The following SDK1 variants were observed in gnomAD, a reference collection of about 807,000 sequenced individuals.
The protein encoded by SDK1 is sidekick cell adhesion molecule 1, also known as protein sidekick-1.
A neutral mutation model predicts 245.5 loss-of-function variants in SDK1; 157 were observed. That is an observed-to-expected ratio of 0.64 (90% CI 0.56 to 0.73). The LOEUF (loss-of-function observed/expected upper bound fraction) is 0.73. Among genes scored for constraint, SDK1 ranks in the 30% least tolerant of loss-of-function variants. The probability of loss-of-function intolerance (pLI) is 0.00; values close to 1 mark genes in which losing one functional copy is unlikely to be tolerated. For missense variants in SDK1, 3,583 were observed against 3,002.3 expected (o/e 1.19, Z -4.52); for synonymous variants, 1,647 against 1,278.5 (o/e 1.29, Z -6.15).
chr7:3,405,179 A>AC lies in SDK1; in HGVS notation c.298+103295_298+103296insC, dbSNP rs536651081. The stretch of plus-strand genomic sequence containing the variant: ...AAAACCAAAAAAAAAAACAAAAACA[A>AC]AAACAAAAAACACTTTCCTTAATCT... On this transcript the variant is annotated intron_variant, in intron 1 of 44. Coordinates refer to ENST00000404826, the MANE Select transcript of SDK1 (RefSeq NM_152744.4). 4.2e-3 allele frequency among the ~76,000 whole-genome samples: 610 copies of AC among 145,458 alleles called. 8 individuals carry two copies. Among genetic ancestry groups the AC allele is most frequent in the South Asian group, 0.018 (81 of 4,558 alleles).
intron 5 of SDK1, among the ~76,000 whole-genome samples, chr7:3,893,716 A>G (rs1476441858): frequency 6.6e-6 from 1 of 151,062 alleles, no homozygotes; most frequent in East Asian, 1.9e-4. Context: ...AGATGTCTCC[A>G]CAGACATTCA....
At chr7:3,826,527 C>G (rs930924150) in intron 5 of SDK1, among the ~76,000 whole-genome samples, 8 of 152,172 alleles carry the variant, frequency 5.3e-5, no homozygotes, top group Admixed American at 5.2e-4. Context: ...GTGAGTGACT[C>G]AGATCTGTGC....
Position 3,725,360 on chromosome 7 carries a change from A to G in SDK1, c.713+83255A>G, listed in dbSNP as rs530086727. On this transcript the variant is annotated intron_variant, in intron 4 of 44. Coordinates refer to ENST00000404826, the MANE Select transcript of SDK1 (RefSeq NM_152744.4). ...AGCATTGCAGCCTGATAAGGGCTGA[A>G]AAGGAGGAGGGACTTGGCAGAGGAC... 8.5e-5 allele frequency among the ~76,000 whole-genome samples: 13 copies of G among 152,286 alleles called. 1 individual carries two copies. Among genetic ancestry groups the G allele is most frequent in the Non-Finnish European group, 1.8e-4 (12 of 68,016 alleles).
chr7:4,100,237 A>C (rs1265254273), intron 22 of SDK1, among the ~76,000 whole-genome samples: 1 of 152,066 alleles, frequency 6.6e-6, no homozygotes, highest in Non-Finnish European at 1.5e-5. Context: ...GCGGATGGGG[A>C]GGTTGCAGGA....
chr7:3,585,153 C>G (rs1419329167), intron 1 of SDK1, among the ~76,000 whole-genome samples: 1 of 152,200 alleles, frequency 6.6e-6, no homozygotes, highest in African/African-American at 2.4e-5. Flanking sequence ...GCCTCAGCCT[C>G]TGCTTTCCAG....
At chr7:4,247,839 C>G (rs182388984) in intron 44 of SDK1, among the ~76,000 whole-genome samples, 1 of 152,096 alleles carries the variant, frequency 6.6e-6, no homozygotes, top group African/African-American at 2.4e-5. Context: ...AAGCTGACAC[C>G]CAGCCAGACC....
rs574365179 is a variant in SDK1, at chr7:3,462,537, G to A, written c.299-156543G>A. Among the ~76,000 whole-genome samples, 5 of 152,122 alleles carry A rather than the reference G, an allele frequency of 3.3e-5. No homozygotes were observed. In the East Asian group the frequency reaches 7.7e-4, roughly 24 times the overall value. ...AAAAATTTATCTGAGCTCCCATCAC[G>A]TCTATCTACCTGTTAACTTGATATT... On this transcript the variant is annotated intron_variant, in intron 1 of 44. Transcript: ENST00000404826.
intron 1 of SDK1, among the ~76,000 whole-genome samples, chr7:3,385,207 T>G (rs181189728): frequency 6.6e-6 from 1 of 151,854 alleles, no homozygotes; most frequent in East Asian, 1.9e-4. Flanking sequence ...GTTTTTCTCC[T>G]CTATGAATTG....
chr7:3,614,735 A>C (rs977759212), intron 1 of SDK1, among the ~76,000 whole-genome samples: 13 of 152,188 alleles, frequency 8.5e-5, no homozygotes, highest in African/African-American at 3.1e-4. Context: ...TGGCTAATCT[A>C]TGTCAAAATA....
At chr7:3,553,206 C>G (rs1436656105) in intron 1 of SDK1, among the ~76,000 whole-genome samples, 3 of 152,002 alleles carry the variant, frequency 2.0e-5, no homozygotes, top group African/African-American at 7.3e-5. Flanking sequence ...AGGCAGTGAT[C>G]TAAGAGCTTT....
At position 4,213,377 on chromosome 7, in the gene SDK1, A is replaced by C. The variant is rs1394755551; in HGVS notation, c.5539+3215A>C. On this transcript the variant is annotated intron_variant, in intron 38 of 44. Coordinates refer to ENST00000404826, the MANE Select transcript of SDK1 (RefSeq NM_152744.4). Reference sequence around the variant, plus strand: ...CAGTGAGCCGAGATCGCGCCACTGCACTCCAGCTTGGGCGACAGAGCAAGA... The same window carrying C: ...CAGTGAGCCGAGATCGCGCCACTGCCCTCCAGCTTGGGCGACAGAGCAAGA... 3.3e-5 allele frequency among the ~76,000 whole-genome samples: 5 copies of C among 151,626 alleles called. No homozygotes were observed. The East Asian group carries it at 9.6e-4, about 29-fold the overall frequency.
chr7:3,827,060 C>G (rs572457199), intron 5 of SDK1, among the ~76,000 whole-genome samples: 8 of 152,282 alleles, frequency 5.3e-5, no homozygotes, highest in African/African-American at 1.9e-4. Flanking sequence ...CCCTTTTCCC[C>G]TGTGTGATTT....
chr7:3,920,859 A>T (rs982165842), intron 5 of SDK1, among the ~76,000 whole-genome samples: 1 of 152,186 alleles, frequency 6.6e-6, no homozygotes, highest in Non-Finnish European at 1.5e-5. Context: ...GGATCTCGCA[A>T]TTGAGTGCTG....
At chr7:3,706,786 A>G (rs1784903985) in intron 4 of SDK1, among the ~76,000 whole-genome samples, 1 of 152,170 alleles carries the variant, frequency 6.6e-6, no homozygotes, top group South Asian at 2.1e-4. Flanking sequence ...GATTTAATCA[A>G]GGAGGGTTAT....
At chr7:3,900,140 T>G (rs73294645) in intron 5 of SDK1, among the ~76,000 whole-genome samples, 9 of 152,316 alleles carry the variant, frequency 5.9e-5, no homozygotes, top group African/African-American at 2.2e-4. Flanking sequence ...ACCATGAACC[T>G]GAAGTTGGTG....
chr7:3,723,099 T>C (rs1778869024), intron 4 of SDK1, among the ~76,000 whole-genome samples: 1 of 152,264 alleles, frequency 6.6e-6, no homozygotes, highest in Non-Finnish European at 1.5e-5. Flanking sequence ...TAGGAAAGAA[T>C]GTGTGAGTCC....
intron 1 of SDK1, among the ~76,000 whole-genome samples, chr7:3,573,969 G>C (rs1334038537): frequency 2.6e-5 from 4 of 152,006 alleles, no homozygotes; most frequent in Non-Finnish European, 4.4e-5. Context: ...ACTAAAGGCA[G>C]GGCTGTATTT....
chr7:3,303,185 T>C (rs955899421), intron 1 of SDK1, among the ~76,000 whole-genome samples: 2 of 152,230 alleles, frequency 1.3e-5, no homozygotes, highest in Non-Finnish European at 2.9e-5. Context: ...TTATTTGTGC[T>C]TTTTGCTTAA....
At chr7:3,438,763 A>T (rs935833478) in intron 1 of SDK1, among the ~76,000 whole-genome samples, 3 of 151,330 alleles carry the variant, frequency 2.0e-5, no homozygotes, top group East Asian at 1.9e-4. Context: ...ACTTCAAACA[A>T]CTCATCTGTC....
Sources: allele counts gnomAD v4.1 joint callset (sites outside exome capture counted in the v4.1 genomes callset), GRCh38; gene constraint gnomAD v4.1.1; transcripts MANE v1.5; gene names NCBI Gene and HGNC (gene_info 2026-07-23, HGNC 2026-07-21).